DTWD2: variants seen among roughly 807,000 people sequenced by gnomAD.
DTWD2 encodes the protein tRNA-uridine aminocarboxypropyltransferase 2.
DTWD2 carries 39 observed loss-of-function variants against 31.8 expected under a neutral mutation model. The ratio of observed to expected loss-of-function variants is 1.22; its 90% CI spans 0.95 to 1.60. The LOEUF (loss-of-function observed/expected upper bound fraction) is 1.60, where lower values mean the gene tolerates loss of function less well. DTWD2 is among the 40% of genes most tolerant of loss of function. The pLI is 0.00. For missense variants in DTWD2, 515 were observed against 381.5 expected, an observed-to-expected ratio of 1.35 and a Z score of -2.92; for synonymous variants, 180 against 142.8, an observed-to-expected ratio of 1.26 and a Z score of -1.86.
At chr5:118,939,011 G>C (rs1309995825) in intron 3 of DTWD2, among the ~76,000 whole-genome samples, 185 bp downstream of exon 3, 6 of 151,854 alleles carry the variant, frequency 4.0e-5, no homozygotes, top group Non-Finnish European at 7.4e-5. Flanking sequence ...TTTTATTTCT[G>C]ATTTTGTTTT....
rs543998411 is a variant in DTWD2, at chr5:118,930,761, C to A, written c.405-2032G>T. Among the ~76,000 whole-genome samples the A allele has an allele frequency of 8.5e-5, 13 of 152,210 alleles. No homozygotes were observed. In the East Asian group the frequency reaches 2.5e-3, roughly 29 times the overall value. On this transcript the variant is annotated intron_variant, in intron 3 of 5. Coordinates refer to ENST00000510708, the MANE Select transcript of DTWD2 (RefSeq NM_173666.4). ...TCACAAAAGTCCAAATATATTATTT[C>A]ATTTATATGGAATATCAGATATCAA... is the stretch of plus-strand genomic sequence containing the variant.
At position 118,919,713 on chromosome 5, in the gene DTWD2, C is replaced by T. The variant is rs1753659013; in HGVS notation, c.597+8824G>A. Among the ~76,000 whole-genome samples, 3 of 152,206 alleles carry T rather than the reference C, an allele frequency of 2.0e-5. No individual in the cohort carries two copies. In the South Asian group the frequency reaches 6.2e-4, roughly 32 times the overall value. On this transcript the variant is annotated intron_variant, in intron 4 of 5. Transcript: ENST00000510708. ...CAGCCATGCATATGATAGCTGTCTA[C>T]CACAATGCTGTTTAAACATTATGAT... is the stretch of plus-strand genomic sequence containing the variant.
intron 1 of DTWD2, among the ~76,000 whole-genome samples, chr5:118,977,173 G>C (rs189220701): frequency 4.5e-4 from 69 of 152,270 alleles, no homozygotes; most frequent in African/African-American, 1.4e-3. Flanking sequence ...ACTAGGTATT[G>C]ATGGAACATA....
intron 5 of DTWD2, 148 bp from the exon 6 acceptor site, chr5:118,841,235 T>C: frequency 2.6e-6 from 2 of 775,000 alleles, no homozygotes; most frequent in Non-Finnish European, 2.0e-6. Context: ...CTGATAAATA[T>C]ATAATTATTT....
intron 1 of DTWD2, among the ~76,000 whole-genome samples, chr5:118,963,572 G>A (rs1053522387): frequency 5.9e-5 from 9 of 152,192 alleles, no homozygotes; most frequent in African/African-American, 1.2e-4. Flanking sequence ...GGAATAAAAT[G>A]AGCAGACAGA....
intron 4 of DTWD2, among the ~76,000 whole-genome samples, chr5:118,916,277 G>A (rs1753573863): frequency 6.6e-6 from 1 of 152,154 alleles, no homozygotes; most frequent in Non-Finnish European, 1.5e-5. Flanking sequence ...CAGAAACAAA[G>A]GATATGTGGT....
chr5:118,953,172 G>A (rs1283597809), intron 1 of DTWD2, among the ~76,000 whole-genome samples: 2 of 152,206 alleles, frequency 1.3e-5, no homozygotes, highest in Non-Finnish European at 2.9e-5. Context: ...CAAATTCCTA[G>A]GTGGTGATGA....
At chr5:118,941,198 G>A (rs1442327775) in intron 2 of DTWD2, among the ~76,000 whole-genome samples, 1 of 151,758 alleles carries the variant, frequency 6.6e-6, no homozygotes, top group East Asian at 1.9e-4. Flanking sequence ...TTATTATACT[G>A]TAAGTTCTAG....
At chr5:118,950,591 G>A (rs530080967) in intron 1 of DTWD2, among the ~76,000 whole-genome samples, 9 of 152,166 alleles carry the variant, frequency 5.9e-5, no homozygotes, top group African/African-American at 9.7e-5. Context: ...GTGGGGTCCC[G>A]CACAGATGGG....
At chr5:118,897,568 T>C (rs543498521) in intron 4 of DTWD2, among the ~76,000 whole-genome samples, 1 of 152,340 alleles carries the variant, frequency 6.6e-6, no homozygotes, top group Admixed American at 6.5e-5. Flanking sequence ...GTCAACCTTC[T>C]AAGCTTGTTT....
At chr5:118,946,513 C>G (rs1307823286) in intron 1 of DTWD2, among the ~76,000 whole-genome samples, 1 of 152,032 alleles carries the variant, frequency 6.6e-6, no homozygotes, top group African/African-American at 2.4e-5. Flanking sequence ...TTAATCAAAA[C>G]CAAAAACTAA....
At chr5:118,915,244 G>GA (rs1490157838) in intron 4 of DTWD2, among the ~76,000 whole-genome samples, 5 of 151,156 alleles carry the variant, frequency 3.3e-5, no homozygotes, top group South Asian at 2.1e-4. Flanking sequence ...TCTTAATATG[G>GA]AAAAAAAAGC....
At chr5:118,863,930 T>C (rs977999375) in intron 4 of DTWD2, among the ~76,000 whole-genome samples, 7 of 151,804 alleles carry the variant, frequency 4.6e-5, no homozygotes, top group African/African-American at 1.7e-4. Flanking sequence ...CCAAGGATCT[T>C]ACCCTTACAC....
chr5:118,903,251 A>G (rs1339052443), intron 4 of DTWD2, among the ~76,000 whole-genome samples: 2 of 152,024 alleles, frequency 1.3e-5, no homozygotes, highest in East Asian at 1.9e-4. Flanking sequence ...TGGGAAAACT[A>G]TAAACTGCTA....
At chr5:118,853,608 C>T (rs1219921586) in intron 4 of DTWD2, among the ~76,000 whole-genome samples, 1 of 152,174 alleles carries the variant, frequency 6.6e-6, no homozygotes, top group Non-Finnish European at 1.5e-5. Flanking sequence ...CAACGTGATG[C>T]TGCTGGAGGC....
chr5:118,940,385 C>T (rs1273840462), intron 2 of DTWD2, among the ~76,000 whole-genome samples: 1 of 152,146 alleles, frequency 6.6e-6, no homozygotes, highest in Non-Finnish European at 1.5e-5. Context: ...CAAAGTAATA[C>T]ATGTATATAT....
At chr5:118,898,573 C>G (rs992453166) in intron 4 of DTWD2, among the ~76,000 whole-genome samples, 3 of 149,808 alleles carry the variant, frequency 2.0e-5, no homozygotes, top group African/African-American at 7.4e-5. Flanking sequence ...GCAAGAGAAT[C>G]GCTTGAACCT....
chr5:118,889,161 C>T (rs1752927765), intron 4 of DTWD2, among the ~76,000 whole-genome samples: 1 of 152,032 alleles, frequency 6.6e-6, no homozygotes, highest in Admixed American at 6.6e-5. Context: ...CATAGACAAA[C>T]CCAAGGTTAC....
intron 4 of DTWD2, among the ~76,000 whole-genome samples, chr5:118,922,472 G>A (rs1486887315): frequency 6.6e-6 from 1 of 152,010 alleles, no homozygotes; most frequent in Non-Finnish European, 1.5e-5. Flanking sequence ...AGGGGTGGGG[G>A]TATATGCATA....
Sources: gnomAD v4.1 joint callset for allele counts (sites outside exome capture counted in the v4.1 genomes callset) on GRCh38, gnomAD v4.1.1 for gene constraint, MANE v1.5 for transcripts, NCBI Gene and HGNC (gene_info 2026-07-23, HGNC 2026-07-21) for gene names.